The following CSNK1G2 variants were observed in gnomAD, a reference collection of about 807,000 sequenced individuals.
CSNK1G2 encodes casein kinase I isoform gamma-2.
In CSNK1G2, 11 loss-of-function variants were observed where a neutral mutation model predicts 48.0. The observed-to-expected ratio is 0.23, with a 90% confidence interval of 0.14 to 0.38. CSNK1G2 has a LOEUF of 0.38. Ranked by LOEUF, CSNK1G2 falls within the 10% of genes least tolerant of loss-of-function variation. CSNK1G2 has a pLI of 1.00. For synonymous variants in CSNK1G2, 337 were observed against 254.1 expected (o/e 1.33, Z -3.10); for missense variants, 446 against 595.5 (o/e 0.75, Z 2.61).
chr19:1,954,827 G>C (rs1360633590), intron 1 of CSNK1G2: 1 of 152,266 alleles, frequency 6.6e-6, no homozygotes, highest in Admixed American at 6.5e-5. Context: ...CATCCTTGGC[G>C]TGTGACCCGG....
intron 2 of CSNK1G2, chr19:1,974,841 C>T (rs1465652199): frequency 6.5e-6 from 1 of 153,202 alleles, no homozygotes; most frequent in African/African-American, 2.4e-5. Flanking sequence ...GCTGTGGCGT[C>T]CTCCCTCCTG....
At chr19:1,946,265 C>CATTCATTTATTTATTT (rs534248791) in intron 1 of CSNK1G2, among the ~76,000 whole-genome samples, 1 of 114,406 alleles carries the variant, frequency 8.7e-6, no homozygotes, top group Admixed American at 8.7e-5. Context: ...ACTATTTATT[C>CATTCATTTATTTATTT]GTTTATTTAT....
chr19:1,949,323 C>T (rs186124281), intron 1 of CSNK1G2, among the ~76,000 whole-genome samples: 1 of 152,336 alleles, frequency 6.6e-6, no homozygotes, highest in African/African-American at 2.4e-5. Context: ...CTCTCCAGCC[C>T]CTGGCACCCC....
chr19:1,954,445 C>T, intron 1 of CSNK1G2: 1 of 164,320 alleles, frequency 6.1e-6, no homozygotes, highest in South Asian at 1.6e-4. Context: ...GACAGAGCTG[C>T]CCAGAACGGT....
chr19:1,972,103 G>A (rs768506483), intron 2 of CSNK1G2, among the ~76,000 whole-genome samples: 8 of 152,304 alleles, frequency 5.3e-5, no homozygotes, highest in African/African-American at 1.7e-4. Context: ...TGCGGTTTGC[G>A]CTCTCTTCAG....
chr19:1,955,643 C>T (rs537472438), intron 1 of CSNK1G2, among the ~76,000 whole-genome samples: 5 of 152,188 alleles, frequency 3.3e-5, no homozygotes, highest in Non-Finnish European at 5.9e-5. Flanking sequence ...CTCTGCTGTC[C>T]GCCCACGACC....
intron 2 of CSNK1G2, among the ~76,000 whole-genome samples, chr19:1,976,480 G>A (rs1253645721): frequency 1.3e-5 from 2 of 152,240 alleles, no homozygotes; most frequent in East Asian, 3.9e-4. Flanking sequence ...GATGCGGACA[G>A]GGCAGTGCCA....
At chr19:1,975,474 C>T (rs1474274862) in intron 2 of CSNK1G2, 2 of 985,476 alleles carry the variant, frequency 2.0e-6, no homozygotes, top group Non-Finnish European at 2.4e-6. Flanking sequence ...GAGGGCGTGC[C>T]TCAAGGGCAG....
intron 2 of CSNK1G2, among the ~76,000 whole-genome samples, chr19:1,977,407 G>A (rs901818829): frequency 2.0e-5 from 3 of 152,134 alleles, no homozygotes; most frequent in East Asian, 1.9e-4. Context: ...CCTGCAGAGC[G>A]CCTCTGTGTT....
intron 1 of CSNK1G2, chr19:1,954,127 C>CG: frequency 2.2e-6 from 1 of 446,728 alleles, no homozygotes; most frequent in Non-Finnish European, 4.6e-6. Flanking sequence ...GCACCTGATG[C>CG]GTTAAACCCA....
Position 1,979,910 on chromosome 19 carries a change from G to C in CSNK1G2, c.1087-1G>C. On this transcript the variant is annotated splice_acceptor_variant, in intron 10 of 11. Coordinates refer to ENST00000255641, the MANE Select transcript of CSNK1G2 (RefSeq NM_001319.7). LOFTEE classifies it high-confidence loss of function. ...GCGTGACCCCCTACTGCCCCCACCAGGCGTTGAACTCCACCAACGGGGAGC... is the reference window on the plus strand; with the variant it reads ...GCGTGACCCCCTACTGCCCCCACCACGCGTTGAACTCCACCAACGGGGAGC... 6.2e-7 allele frequency: 1 copy of C among 1,607,644 alleles called. No homozygotes were observed. Among genetic ancestry groups the C allele is most frequent in the South Asian group, 1.1e-5 (1 of 90,538 alleles).
chr19:1,967,698 CCACCACCCTTCA>C (rs2015410658), intron 1 of CSNK1G2, among the ~76,000 whole-genome samples: 1 of 102,198 alleles, frequency 9.8e-6, no homozygotes, highest in African/African-American at 5.3e-5. Context: ...CAGGCTGCCC[CCACCACCCTTCA>C]GTTCTGCAGG....
chr19:1,945,110 G>A (rs1334560856), intron 1 of CSNK1G2, among the ~76,000 whole-genome samples: 8 of 152,336 alleles, frequency 5.3e-5, no homozygotes, highest in African/African-American at 9.6e-5. Flanking sequence ...TCCAGGCTCC[G>A]CGGCCCCTTC....
Position 1,979,504 on chromosome 19 carries a change from C to T in CSNK1G2, c.863C>T (p.Ala288Val), listed in dbSNP as rs368950633. 39 of 1,442,856 alleles carry T rather than the reference C, an allele frequency of 2.7e-5. No homozygotes were observed. In the African/African-American group the frequency reaches 3.6e-4, roughly 13 times the overall value. 89.4% of individuals were successfully genotyped at this position (1,442,856 alleles called of 1,614,324 possible). Reference sequence around the variant, plus strand: ...GGCGCTCTCTCTGCAGAGGAGATGGCCACGTACCTGCGCTATGTGCGGCGC... The same window carrying T: ...GGCGCTCTCTCTGCAGAGGAGATGGTCACGTACCTGCGCTATGTGCGGCGC... ...VLCENFPEEM[A>V]TYLRYVRRLD... The change falls in exon 9 of 12, where the codon GCC (alanine) becomes GTC (valine). Residue 288 changes from alanine (A) to valine (V), a missense_variant. Coordinates refer to ENST00000255641, the MANE Select transcript of CSNK1G2 (RefSeq NM_001319.7).
intron 8 of CSNK1G2, 43 bp from the exon 9 acceptor site, chr19:1,979,452 C>G: frequency 1.1e-6 from 1 of 876,852 alleles, no homozygotes; most frequent in Non-Finnish European, 1.7e-6. Flanking sequence ...CCCCACCCCC[C>G]ACCCCCACCC....
chr19:1,969,469 G>C (rs192361198), intron 1 of CSNK1G2, 39 bp from the exon 2 acceptor site: 1 of 230,058 alleles, frequency 4.3e-6, no homozygotes, highest in Middle Eastern at 1.3e-3. Context: ...CCCCGCGGGG[G>C]CCTTGCCGGT....
rs1424401319 is a variant in CSNK1G2, at chr19:1,951,784, C to T, written c.-266+10366C>T. Among the ~76,000 whole-genome samples, 3 of 146,694 alleles carry T rather than the reference C, an allele frequency of 2.0e-5. 1 individual carries two copies. Among genetic ancestry groups the T allele is most frequent in the Non-Finnish European group, 4.5e-5 (3 of 67,214 alleles). ...CACGCTCCGCCTCCCGGGTTCACAC[C>T]ATTCTCTTGCCTCAGCCTCCCGAGC... On this transcript the variant is annotated intron_variant, in intron 1 of 11. Transcript: ENST00000255641.
At chr19:1,973,310 G>A (rs780760953) in intron 2 of CSNK1G2, among the ~76,000 whole-genome samples, 9 of 151,992 alleles carry the variant, frequency 5.9e-5, no homozygotes, top group South Asian at 2.1e-4. Flanking sequence ...TGCAACCTCC[G>A]CCTCCTGGGT....
At position 1,950,933 on chromosome 19, in the gene CSNK1G2, G is replaced by GC. The variant is rs532025260; in HGVS notation, c.-266+9521dup. 2.7e-5 allele frequency among the ~76,000 whole-genome samples: 4 copies of GC among 146,232 alleles called. No individual in the cohort carries two copies. The South Asian group carries it at 6.6e-4, about 24-fold the overall frequency. On this transcript the variant is annotated intron_variant, in intron 1 of 11. Transcript: ENST00000255641. ...GAGCTGGGCGTTTATTCGCCTTGGTGCCCCCCTAGATCCCTGGGTGATCCC... is the reference window on the plus strand; with the variant it reads ...GAGCTGGGCGTTTATTCGCCTTGGTGCCCCCCCTAGATCCCTGGGTGATCCC...
Sources: allele counts gnomAD v4.1 joint callset (sites outside exome capture counted in the v4.1 genomes callset), GRCh38; gene constraint gnomAD v4.1.1; transcripts MANE v1.5; gene names NCBI Gene and HGNC (gene_info 2026-07-23, HGNC 2026-07-21).